NELL1: variants seen among roughly 807,000 people sequenced by gnomAD.
The protein encoded by NELL1 is protein kinase C-binding protein NELL1.
In NELL1, 76 loss-of-function variants were observed where a neutral mutation model predicts 107.4. That is an observed-to-expected ratio of 0.71 (90% CI 0.59 to 0.86). NELL1 has a LOEUF of 0.86. NELL1 is among the 40% of genes least tolerant of loss of function. The probability of loss-of-function intolerance (pLI) is 0.00; values close to 1 mark genes in which losing one functional copy is unlikely to be tolerated. For synonymous variants in NELL1, 353 were observed against 341.2 expected (o/e 1.03, Z -0.38); for missense variants, 1,024 against 1,005.5 (o/e 1.02, Z -0.25).
At chr11:20,816,439 C>G (rs571382005) in intron 3 of NELL1, among the ~76,000 whole-genome samples, 7 of 152,130 alleles carry the variant, frequency 4.6e-5, no homozygotes, top group African/African-American at 1.7e-4. Context: ...TGATTTGGCT[C>G]TCAGTTTGAA....
intron 15 of NELL1, among the ~76,000 whole-genome samples, chr11:21,505,635 T>C (rs1855260801): frequency 1.3e-5 from 2 of 152,348 alleles, no homozygotes; most frequent in East Asian, 3.9e-4. Context: ...AGAGTCATCT[T>C]TTAGCTTTGT....
Position 20,918,023 on chromosome 11 carries a change from G to T in NELL1, c.604-159G>T, listed in dbSNP as rs190564138. ...CAATTTGAGATTCCTAAAGTAGGAT[G>T]CTTTAGAGTAGTTCAGTATATACTA... On this transcript the variant is annotated intron_variant, in intron 5 of 19. Transcript: ENST00000357134. Among the ~76,000 whole-genome samples the T allele has an allele frequency of 4.6e-5, 7 of 152,022 alleles. No individual in the cohort carries two copies. The East Asian group carries it at 1.4e-3, about 29-fold the overall frequency.
At chr11:20,986,747 A>G (rs1851861264) in intron 12 of NELL1, among the ~76,000 whole-genome samples, 1 of 152,030 alleles carries the variant, frequency 6.6e-6, no homozygotes, top group African/African-American at 2.4e-5. Flanking sequence ...TCTTAAGCCC[A>G]CATGAATAAA....
At chr11:21,273,867 C>A (rs1450414200) in intron 14 of NELL1, among the ~76,000 whole-genome samples, 1 of 152,106 alleles carries the variant, frequency 6.6e-6, no homozygotes, top group African/African-American at 2.4e-5. Flanking sequence ...GATTTTGTCA[C>A]CACCAGGCCT....
At chr11:21,168,768 C>G (rs1258824828) in intron 13 of NELL1, among the ~76,000 whole-genome samples, 1 of 151,866 alleles carries the variant, frequency 6.6e-6, no homozygotes, top group Non-Finnish European at 1.5e-5. Context: ...TGTTAAGCTG[C>G]ATGGCCATCA....
At chr11:21,381,616 G>T (rs1487424598) in intron 15 of NELL1, among the ~76,000 whole-genome samples, 2 of 151,886 alleles carry the variant, frequency 1.3e-5, no homozygotes, top group African/African-American at 4.8e-5. Context: ...AGGATACTCA[G>T]CAGGTAAACA....
intron 12 of NELL1, among the ~76,000 whole-genome samples, chr11:21,047,607 T>C (rs950695752): frequency 3.9e-5 from 6 of 152,208 alleles, no homozygotes; most frequent in African/African-American, 1.4e-4. Context: ...TACTGTTTCC[T>C]AGTATTTTAC....
At position 21,374,517 on chromosome 11, in the gene NELL1, C is replaced by G. The variant is rs146920494; in HGVS notation, c.1645+3569C>G. Among the ~76,000 whole-genome samples, 728 of 152,132 alleles carry G rather than the reference C, an allele frequency of 4.8e-3. 8 individuals carry two copies. The highest frequency in any genetic ancestry group is 0.02 in the Middle Eastern group (6 of 294). On this transcript the variant is annotated intron_variant, in intron 15 of 19. Coordinates refer to ENST00000357134, the MANE Select transcript of NELL1 (RefSeq NM_006157.5). ...GCTGTAATGCTTTTTGTGACTCAAT[C>G]AAATGCTGTTCACGTTGGCCACGTT...
At chr11:20,845,338 A>T (rs1848685011) in intron 3 of NELL1, among the ~76,000 whole-genome samples, 1 of 152,178 alleles carries the variant, frequency 6.6e-6, no homozygotes, top group South Asian at 2.1e-4. Context: ...AATACATTGA[A>T]CACTTGCTCA....
chr11:21,019,079 C>A (rs1246333129), intron 12 of NELL1, among the ~76,000 whole-genome samples: 1 of 152,066 alleles, frequency 6.6e-6, no homozygotes, highest in African/African-American at 2.4e-5. Flanking sequence ...ATAAAAGGGT[C>A]TGGGCTTGAG....
At chr11:20,703,243 C>T (rs1028553591) in intron 2 of NELL1, among the ~76,000 whole-genome samples, 13 of 152,004 alleles carry the variant, frequency 8.6e-5, no homozygotes, top group South Asian at 4.2e-4. Context: ...GTGTATGTGT[C>T]GAGGAATTTA....
At chr11:21,436,815 T>C (rs1367179012) in intron 15 of NELL1, among the ~76,000 whole-genome samples, 2 of 152,120 alleles carry the variant, frequency 1.3e-5, no homozygotes, top group Non-Finnish European at 2.9e-5. Context: ...GTATGTTATG[T>C]TTCCATTTTT....
At chr11:20,811,806 T>G (rs2134013854) in intron 3 of NELL1, among the ~76,000 whole-genome samples, 1 of 152,214 alleles carries the variant, frequency 6.6e-6, no homozygotes, top group Admixed American at 6.5e-5. Context: ...CTTATCAAAT[T>G]TATTAGTTCT....
At chr11:20,980,173 T>G (rs10833423) in intron 12 of NELL1, among the ~76,000 whole-genome samples, 26,029 of 152,116 alleles carry the variant, frequency 0.17, 2,570 homozygotes, top group Middle Eastern at 0.27. Flanking sequence ...TCTCAGATAC[T>G]GTGCTAGGTA....
At chr11:20,767,179 G>A (rs142510790) in intron 2 of NELL1, among the ~76,000 whole-genome samples, 231 of 152,268 alleles carry the variant, frequency 1.5e-3, no homozygotes, top group African/African-American at 5.1e-3. Context: ...GCGGACCTTC[G>A]CGGTGAGTGT....
intron 14 of NELL1, among the ~76,000 whole-genome samples, chr11:21,330,199 TAAC>T (rs941711130): frequency 2.0e-5 from 3 of 152,122 alleles, no homozygotes; most frequent in Admixed American, 6.6e-5. Flanking sequence ...GTTATAGGCT[TAAC>T]AATACAAATG....
chr11:20,887,101 T>C (rs896364711), intron 5 of NELL1, among the ~76,000 whole-genome samples: 3 of 151,798 alleles, frequency 2.0e-5, no homozygotes, highest in Non-Finnish European at 4.4e-5. Context: ...GAATCATTTA[T>C]GTGTGTGTGT....
chr11:21,353,558 C>A (rs1329507758), intron 14 of NELL1, among the ~76,000 whole-genome samples: 4 of 152,042 alleles, frequency 2.6e-5, no homozygotes, highest in African/African-American at 9.7e-5. Context: ...CAAGGGCAGC[C>A]CATGTTGTAG....
chr11:20,977,620 C>T (rs1851665397), intron 12 of NELL1, among the ~76,000 whole-genome samples: 1 of 152,180 alleles, frequency 6.6e-6, no homozygotes, highest in Non-Finnish European at 1.5e-5. Flanking sequence ...TCTCTTAAAA[C>T]ATACTCAAAT....
Sources: allele counts gnomAD v4.1 joint callset (sites outside exome capture counted in the v4.1 genomes callset), GRCh38; gene constraint gnomAD v4.1.1; transcripts MANE v1.5; gene names NCBI Gene and HGNC (gene_info 2026-07-23, HGNC 2026-07-21).